Variants in FAM200B observed in about 807,000 individuals in gnomAD.
FAM200B encodes zinc finger BED-type containing 11.
FAM200B carries 32 observed loss-of-function variants against 33.1 expected under a neutral mutation model. That is an observed-to-expected ratio of 0.97 (90% confidence interval 0.73 to 1.30). FAM200B has a LOEUF of 1.30. Among genes scored for constraint, FAM200B ranks in the 50% most tolerant of loss-of-function variants. FAM200B has a pLI of 0.00. For missense variants in FAM200B, 741 were observed against 754.0 expected (o/e 0.98, Z 0.20); for synonymous variants, 240 against 264.8 (o/e 0.91, Z 0.91).
At chr4:15,666,840 A>C in the FAM200B span, among the ~76,000 whole-genome samples, 2 of 152,012 alleles carry the variant, frequency 1.3e-5, no homozygotes, top group African/African-American at 2.4e-5. Flanking sequence ...AACTAAACTA[A>C]ACTAAGAGTA....
At chr4:15,683,790 A>G (rs533640810) in intron 1 of FAM200B, among the ~76,000 whole-genome samples, 2 of 152,338 alleles carry the variant, frequency 1.3e-5, no homozygotes, top group South Asian at 4.1e-4. Flanking sequence ...TTGTCCAAAT[A>G]TAGTTGGATA....
rs1577544881 is a variant in FAM200B at position 15,687,451 on chromosome 4, A to C, written c.474A>C (p.Ala158=). 6.4e-7 allele frequency: 1 copy of C among 1,551,192 alleles called. No homozygotes were observed. The highest frequency in any genetic ancestry group is 2.4e-5 in the East Asian group (1 of 40,866). The change falls in exon 2 of 2, where the codon GCA becomes GCC. Residue 158 remains alanine (A), a synonymous_variant. Coordinates refer to ENST00000422728, the MANE Select transcript of FAM200B (RefSeq NM_001145191.2). The stretch of plus-strand genomic sequence containing the variant: ...CATATTTAGTTGCATATCGTGTGGC[A>C]AAAGAGAAAATAGCTAACACAGCTG... ...LSSYLVAYRV[A]KEKIANTAAE...
chr4:15,641,711 G>C, the FAM200B span: 3 of 424,906 alleles, frequency 7.1e-6, no homozygotes, highest in Non-Finnish European at 1.4e-5. Flanking sequence ...TCCCCATGTT[G>C]TTCAAGGGTC....
chr4:15,640,949 G>A, the FAM200B span: 1 of 860,474 alleles, frequency 1.2e-6, no homozygotes, highest in Non-Finnish European at 1.7e-6. Context: ...CTGGTCCCAG[G>A]AAGTTTAAAA....
chr4:15,679,562 C>CA (rs1202369624), upstream of FAM200B, among the ~76,000 whole-genome samples: 16,022 of 94,222 alleles, frequency 0.17, 983 homozygotes, highest in African/African-American at 0.25. Flanking sequence ...AGTTCAGGAA[C>CA]AAAAAAAAAA....
chr4:15,646,447 T>C, the FAM200B span, among the ~76,000 whole-genome samples: 3 of 149,364 alleles, frequency 2.0e-5, no homozygotes, highest in Non-Finnish European at 4.5e-5. Context: ...AACACTATCA[T>C]GTATCATTTT....
At chr4:15,650,657 CTTT>C in the FAM200B span, among the ~76,000 whole-genome samples, 1 of 132,636 alleles carries the variant, frequency 7.5e-6, no homozygotes, top group Non-Finnish European at 1.5e-5. Context: ...TTATAACTGA[CTTT>C]CTTTTTTTTT....
rs892119535 is a variant in FAM200B, at chr4:15,687,615, C to T, written c.638C>T (p.Thr213Ile). 21 of 1,550,914 alleles carry T rather than the reference C, an allele frequency of 1.4e-5. No homozygotes were observed. Among genetic ancestry groups the T allele is most frequent in the African/African-American group, 1.2e-4 (9 of 73,014 alleles). Residue 213 changes from threonine to isoleucine, a missense_variant, in exon 2 of 2, where the codon ACA becomes ATA. Coordinates refer to ENST00000422728, the MANE Select transcript of FAM200B (RefSeq NM_001145191.2). ...TGTACTATTGCAGAACATTTAGAAA[C>T]AATGCTTATTACTCGTTTACAGTCT... is the stretch of plus-strand genomic sequence containing the variant. ...RICTIAEHLETMLITRLQSGI... is the reference protein window; with the variant it reads ...RICTIAEHLEIMLITRLQSGI...
the FAM200B span, chr4:15,641,008 G>A: frequency 5.9e-6 from 3 of 507,210 alleles, no homozygotes; most frequent in Non-Finnish European, 1.0e-5. Context: ...TTGCAAAGTG[G>A]TCTCTGTACT....
rs1388809263 is a variant in FAM200B at position 15,686,577 on chromosome 4, A to G, written c.-401A>G. 6.5e-6 allele frequency: 1 copy of G among 153,964 alleles called. No individual in the cohort carries two copies. The highest frequency in any genetic ancestry group is 2.4e-5 in the African/African-American group (1 of 41,480). The allele number at this position is 153,964 out of a possible 1,614,324, so 9.5% of individuals were successfully genotyped here. On this transcript the variant is annotated 5_prime_UTR_variant, in exon 2 of 2. Coordinates refer to ENST00000422728, the MANE Select transcript of FAM200B (RefSeq NM_001145191.2). ...TGTGAGTCACAATGAACATTTGTCT[A>G]AAAAACAAAATAAAATGTAAAATAC...
upstream of FAM200B, chr4:15,681,379 C>A: frequency 5.9e-6 from 1 of 170,836 alleles, no homozygotes. Flanking sequence ...TTCAGCGCCA[C>A]TACCTGCTTC....
chr4:15,682,391 AAC>A (rs1391313632), intron 1 of FAM200B, among the ~76,000 whole-genome samples: 2 of 152,222 alleles, frequency 1.3e-5, no homozygotes, highest in African/African-American at 4.8e-5. Context: ...GTAGAAACAA[AAC>A]TATAACACAT....
Position 15,687,505 on chromosome 4 carries a change from G to C in FAM200B, c.528G>C (p.Leu176Phe), listed in dbSNP as rs1718978702. 5 of 1,550,984 alleles carry C rather than the reference G, an allele frequency of 3.2e-6. No homozygotes were observed. Among genetic ancestry groups the C allele is most frequent in the Non-Finnish European group, 4.4e-6 (5 of 1,146,752 alleles). The change falls in exon 2 of 2, where the codon TTG becomes TTC. Residue 176 changes from leucine to phenylalanine, a missense_variant. Leu to Phe is a conservative substitution (Grantham distance 22). Transcript: ENST00000422728. ...AAEKIILPAC[L>F]DMVRTIFDDK... ...AAAAAATTATTCTTCCAGCATGTTT[G>C]GATATGGTGCGTACAATATTTGATG...
upstream of FAM200B, among the ~76,000 whole-genome samples, chr4:15,677,916 C>T (rs1333883391): frequency 7.6e-6 from 1 of 131,618 alleles, no homozygotes; most frequent in Non-Finnish European, 1.6e-5. Flanking sequence ...TGGAGGCAGT[C>T]CTGTGGGACT....
the FAM200B span, among the ~76,000 whole-genome samples, chr4:15,666,538 A>G: frequency 3.3e-5 from 5 of 149,908 alleles, no homozygotes; most frequent in African/African-American, 4.9e-5. Flanking sequence ...CAAAGCATGC[A>G]AAGTGTCAGG....
At chr4:15,654,561 A>G in the FAM200B span, among the ~76,000 whole-genome samples, 4 of 152,338 alleles carry the variant, frequency 2.6e-5, no homozygotes, top group East Asian at 7.7e-4. Context: ...GGGCAATAAA[A>G]GTTGCAAGGA....
the FAM200B span, among the ~76,000 whole-genome samples, chr4:15,668,998 G>A: frequency 1.3e-5 from 2 of 152,190 alleles, no homozygotes; most frequent in African/African-American, 4.8e-5. Flanking sequence ...CCACCTTGTT[G>A]AAAATAAGCT....
the FAM200B span, among the ~76,000 whole-genome samples, chr4:15,663,549 C>T: frequency 2.6e-5 from 4 of 152,186 alleles, no homozygotes; most frequent in African/African-American, 4.8e-5. Flanking sequence ...GGAATGAGGA[C>T]TTTGCTACTA....
At chr4:15,679,295 A>G (rs11722854), upstream of FAM200B, among the ~76,000 whole-genome samples, 53,191 of 151,748 alleles carry the variant, frequency 0.35, 9,718 homozygotes, top group Non-Finnish European at 0.37. Flanking sequence ...CTCATGATCC[A>G]CCCGCTTCGG....
Sources: gnomAD v4.1 joint callset for allele counts (sites outside exome capture counted in the v4.1 genomes callset) on GRCh38, gnomAD v4.1.1 for gene constraint, MANE v1.5 for transcripts, NCBI Gene and HGNC (gene_info 2026-07-23, HGNC 2026-07-21) for gene names.